GIT1: variants seen among roughly 807,000 people sequenced by gnomAD.
The protein encoded by GIT1 is GIT ArfGAP 1, also known as ARF GTPase-activating protein GIT1.
In GIT1, 14 loss-of-function variants were observed where a neutral mutation model predicts 91.7. The observed-to-expected ratio is 0.15, with a 90% CI of 0.10 to 0.24. The LOEUF is 0.24. GIT1 is among the 10% of genes least tolerant of loss of function. The pLI is 1.00. For synonymous variants in GIT1, 414 were observed against 418.2 expected, an observed-to-expected ratio of 0.99 and a Z score of 0.12; for missense variants, 717 against 1,024.9, an observed-to-expected ratio of 0.70 and a Z score of 4.10.
chr17:29,584,940 G>T (rs2033538941), intron 1 of GIT1, among the ~76,000 whole-genome samples: 1 of 150,156 alleles, frequency 6.7e-6, no homozygotes, highest in African/African-American at 2.4e-5. Context: ...AAGGAGAGAG[G>T]CCTGTCTTTG....
intron 7 of GIT1, among the ~76,000 whole-genome samples, chr17:29,580,520 G>GGTGA (rs1468564326): frequency 6.6e-6 from 1 of 152,198 alleles, no homozygotes; most frequent in Non-Finnish European, 1.5e-5. Flanking sequence ...TTATGTGCTG[G>GGTGA]GTGAGTGGCA....
Position 29,580,558 on chromosome 17 carries a change from G to C in GIT1, c.761+780C>G, listed in dbSNP as rs372568341. Among the ~76,000 whole-genome samples, 77 of 152,290 alleles carry C rather than the reference G, an allele frequency of 5.1e-4. 1 individual carries two copies. In the East Asian group the frequency reaches 0.012, roughly 24 times the overall value. On this transcript the variant is annotated intron_variant, in intron 7 of 19. Transcript: ENST00000225394. ...GGGTGTCCCACACTGCCTCTCAGAC[G>C]GAAGCAGAAACACCTCATTCAACCA...
chr17:29,575,036 C>G lies in GIT1; in HGVS notation c.2073+43G>C, dbSNP rs775569709. The G allele has an allele frequency of 1.3e-6, 2 of 1,518,700 alleles. No individual in the cohort carries two copies. The highest frequency in any genetic ancestry group is 4.6e-5 in the East Asian group (2 of 43,954). The allele number at this position is 1,518,700 out of a possible 1,614,324, so 94.1% of individuals were successfully genotyped here. ...ATGGGATTCTCCACGCCTGCCCCAGCTCGAGGCCCTCCCACTCCTGGTCCT... is the reference window on the plus strand; with the variant it reads ...ATGGGATTCTCCACGCCTGCCCCAGGTCGAGGCCCTCCCACTCCTGGTCCT... On this transcript the variant is annotated intron_variant, in intron 19 of 19. Coordinates refer to ENST00000225394, the MANE Select transcript of GIT1 (RefSeq NM_014030.4). The surrounding 1 kb of genome is among the most constrained non-coding windows in gnomAD (Gnocchi z 5.5).
rs199698909 is a variant in GIT1, at chr17:29,576,648, G to A, written c.1254C>T (p.Asp418=). ...GGTACTCCTGCAGCGTCACAGCCCC[G>A]TCAGACAAGTCCGAGGAGTCCATGC... is the stretch of plus-strand genomic sequence containing the variant. The part of the protein sequence containing the change: ...ARSMDSSDLS[D]GAVTLQEYLE... Residue 418 remains aspartate (D), a synonymous_variant, in exon 13 of 20, where the codon GAC becomes GAT. Coordinates refer to ENST00000225394, the MANE Select transcript of GIT1 (RefSeq NM_014030.4). The A allele has an allele frequency of 3.5e-4, 560 of 1,613,866 alleles. No homozygotes were observed. Among genetic ancestry groups the A allele is most frequent in the Non-Finnish European group, 4.2e-4 (493 of 1,179,994 alleles).
intron 4 of GIT1, 34 bp from the exon 5 acceptor site, chr17:29,582,178 G>A (rs763971538): frequency 1.4e-6 from 2 of 1,464,912 alleles, no homozygotes; most frequent in Admixed American, 2.0e-5. Flanking sequence ...GAATACGCAT[G>A]TGCGTGAGGC....
In GIT1 at chr17:29,575,837, C is replaced by G; in HGVS notation, c.1727G>C (p.Cys576Ser). 6.2e-7 allele frequency: 1 copy of G among 1,612,662 alleles called. No homozygotes were observed. The highest frequency in any genetic ancestry group is 8.5e-7 in the Non-Finnish European group (1 of 1,179,394). The change falls in exon 16 of 20, where the codon TGC becomes TCC. Residue 576 changes from cysteine to serine, a missense_variant. By Grantham distance (112) the Cys-to-Ser change is moderately radical. Around this residue, in one of 3 missense-constraint regions of GIT1, gnomAD observed 312 missense variants for 349.5 expected, o/e 0.89. Transcript: ENST00000225394. This position sits in a 1 kb window ranked among gnomAD's most constrained non-coding sequence, Gnocchi z 5.5. ...CGTGTGGCGGCTTCCCTCCTGGGAG[C>G]AGGACAGCAGCGGGGAGGAGGGAGT... ...PFTPSSPLLS[C>S]SQEGSRHTSK...
Position 29,581,499 on chromosome 17 carries a change from G to T in GIT1, c.719-119C>A. ...CAGAAGTGTCAGGGGAAAGTGGGGAGGGCAGGCCACCCCCAAGAATGCTGG... is the reference window on the plus strand; with the variant it reads ...CAGAAGTGTCAGGGGAAAGTGGGGATGGCAGGCCACCCCCAAGAATGCTGG... On this transcript the variant is annotated intron_variant, in intron 6 of 19. Coordinates refer to ENST00000225394, the MANE Select transcript of GIT1 (RefSeq NM_014030.4). The surrounding 1 kb of genome is among the most constrained non-coding windows in gnomAD (Gnocchi z 4.8). 1.2e-6 allele frequency: 1 copy of T among 849,108 alleles called. No homozygotes were observed. The highest frequency in any genetic ancestry group is 2.0e-6 in the Non-Finnish European group (1 of 503,222). 52.6% of individuals were successfully genotyped at this position (849,108 alleles called of 1,614,324 possible).
Position 29,589,562 on chromosome 17 carries a change from T to G in GIT1, c.-184A>C, listed in dbSNP as rs2033736511. ...GAACCCGCCGTGCCCGCCTGCCCGC[T>G]CGCCCTCGGGCGCCCTCCGCCCCGC... On this transcript the variant is annotated 5_prime_UTR_variant, in exon 1 of 20. Transcript: ENST00000225394. The surrounding 1 kb of genome is among the most constrained non-coding windows in gnomAD (Gnocchi z 5.2). The G allele has an allele frequency of 6.8e-6, 1 of 147,042 alleles. No individual in the cohort carries two copies. The highest frequency in any genetic ancestry group is 2.5e-5 in the African/African-American group (1 of 39,538). The allele number at this position is 147,042 out of a possible 1,614,324, so 9.1% of individuals were successfully genotyped here. A position where few individuals can be genotyped will look rare whatever the true frequency, so the allele number is the denominator to read the frequency against.
chr17:29,575,550 G>A lies in GIT1; in HGVS notation c.1826+80C>T. 6.4e-7 allele frequency: 1 copy of A among 1,561,724 alleles called. No individual in the cohort carries two copies. Among genetic ancestry groups the A allele is most frequent in the Non-Finnish European group, 8.8e-7 (1 of 1,141,986 alleles). On this transcript the variant is annotated intron_variant, in intron 17 of 19. Transcript: ENST00000225394. This position sits in a 1 kb window ranked among gnomAD's most constrained non-coding sequence, Gnocchi z 5.5. ...TCCAGCCTCGGAGCCGCCCGCCTTG[G>A]TCCTCACACACTGGGGGCCCTCTCA...
chr17:29,575,596 G>T lies in GIT1; in HGVS notation c.1826+34C>A. ...TCTCAACCTCCCCGCCTCGGCATGT[G>T]AGCAGGCTGGACTGGAGACCCAGGG... On this transcript the variant is annotated intron_variant, in intron 17 of 19. Transcript: ENST00000225394. The surrounding 1 kb of genome is among the most constrained non-coding windows in gnomAD (Gnocchi z 5.5). 6.2e-7 allele frequency: 1 copy of T among 1,601,946 alleles called. No individual in the cohort carries two copies. The highest frequency in any genetic ancestry group is 1.1e-5 in the South Asian group (1 of 90,768).
Position 29,574,649 on chromosome 17 carries a change from G to T in GIT1, c.*53C>A. The T allele has an allele frequency of 7.2e-7, 1 of 1,388,854 alleles. No individual in the cohort carries two copies. The highest frequency in any genetic ancestry group is 1.0e-6 in the Non-Finnish European group (1 of 978,676). 86.0% of individuals were successfully genotyped at this position (1,388,854 alleles called of 1,614,324 possible). A position where few individuals can be genotyped will look rare whatever the true frequency, so the allele number is the denominator to read the frequency against. ...GGGGATTAATGTCTGGAGTGGCCCA[G>T]CTCCTATGGCCAGTGAGGTCCTAGG... On this transcript the variant is annotated 3_prime_UTR_variant, in exon 20 of 20. Transcript: ENST00000225394.
chr17:29,587,960 T>A (rs964650719), intron 1 of GIT1, among the ~76,000 whole-genome samples: 1 of 152,178 alleles, frequency 6.6e-6, no homozygotes, highest in Non-Finnish European at 1.5e-5. Context: ...TCACAGTTTC[T>A]TAGGGGTATG....
Position 29,576,934 on chromosome 17 carries a change from C to A in GIT1, c.1156G>T (p.Val386Leu). 1 of 1,591,966 alleles carries A rather than the reference C, an allele frequency of 6.3e-7. No individual in the cohort carries two copies. The highest frequency in any genetic ancestry group is 8.5e-7 in the Non-Finnish European group (1 of 1,172,694). Residue 386 changes from valine to leucine, a missense_variant, in exon 12 of 20, where the codon GTG becomes TTG. By Grantham distance (32) the Val-to-Leu change is conservative. Coordinates refer to ENST00000225394, the MANE Select transcript of GIT1 (RefSeq NM_014030.4). ...TGGTCTGTGTCCTCGTCAGAGGCCA[C>A]GCTGTCGTAGTCGTGTTGGTCGTCG... ...DLDDQHDYDS[V>L]ASDEDTDQEP...
chr17:29,584,916 G>C (rs1380190069), intron 1 of GIT1, among the ~76,000 whole-genome samples: 1 of 148,176 alleles, frequency 6.7e-6, no homozygotes, highest in East Asian at 2.0e-4. Flanking sequence ...ACTGAGGCAT[G>C]AAAACAGGAA....
chr17:29,576,406 T>C lies in GIT1; in HGVS notation c.1425A>G (p.Pro475=), dbSNP rs781451355. ...GGAGTGGAGGTGTGGGCACCGGCCC[T>C]GGAGGCTGCCGGAGCTGCAGGTTCT... ...QAENLQLRQP[P]GPVPTPPLPS... is the part of the protein sequence containing the mutation. The change falls in exon 14 of 20, where the codon CCA becomes CCG. Residue 475 remains proline, a synonymous_variant. Transcript: ENST00000225394. 1.7e-5 allele frequency: 28 copies of C among 1,613,130 alleles called. No individual in the cohort carries two copies. Among genetic ancestry groups the C allele is most frequent in the Non-Finnish European group, 2.3e-5 (27 of 1,179,850 alleles).
rs1202030459 is a variant in GIT1, at chr17:29,581,849, G to A, written c.624-13C>T. 3 of 1,611,686 alleles carry A rather than the reference G, an allele frequency of 1.9e-6. No individual in the cohort carries two copies. The highest frequency in any genetic ancestry group is 1.3e-5 in the African/African-American group (1 of 74,872). ...GTGCCCCGCCTGCCTGTGAGGAGGG[G>A]GTATGGCTCAGACCTGCAGCAGCAG... is the stretch of plus-strand genomic sequence containing the variant. On this transcript the variant is annotated splice_polypyrimidine_tract_variant and intron_variant, in intron 5 of 19. Coordinates refer to ENST00000225394, the MANE Select transcript of GIT1 (RefSeq NM_014030.4). The surrounding 1 kb of genome is among the most constrained non-coding windows in gnomAD (Gnocchi z 4.8).
In GIT1 at chr17:29,576,405, C is replaced by T; in HGVS notation, c.1426G>A (p.Gly476Arg). 3 of 1,613,294 alleles carry T rather than the reference C, an allele frequency of 1.9e-6. No homozygotes were observed. Among genetic ancestry groups the T allele is most frequent in the Non-Finnish European group, 2.5e-6 (3 of 1,179,882 alleles). The change falls in exon 14 of 20, where the codon GGG (glycine) becomes AGG (arginine). Residue 476 changes from glycine to arginine, a missense_variant. This residue lies in a region of GIT1 where 312 missense variants were observed against 349.5 expected (regional missense o/e 0.89). Transcript: ENST00000225394. Reference protein sequence around the residue: ...AENLQLRQPPGPVPTPPLPSE... With the variant: ...AENLQLRQPPRPVPTPPLPSE... ...GGGAGTGGAGGTGTGGGCACCGGCC[C>T]TGGAGGCTGCCGGAGCTGCAGGTTC...
Position 29,575,216 on chromosome 17 carries a change from C to T in GIT1, c.2009+72G>A. ...CCCAGGGACAGCAGAACCCAGGGCC[C>T]CTCATGCTCTCTGCAACACCCTAGA... On this transcript the variant is annotated intron_variant, in intron 18 of 19. Coordinates refer to ENST00000225394, the MANE Select transcript of GIT1 (RefSeq NM_014030.4). The surrounding 1 kb of genome is among the most constrained non-coding windows in gnomAD (Gnocchi z 5.5). The T allele has an allele frequency of 1.3e-6, 2 of 1,552,458 alleles. No homozygotes were observed. The highest frequency in any genetic ancestry group is 1.2e-5 in the South Asian group (1 of 84,912).
At chr17:29,582,557 T>G (rs1190489769) in intron 4 of GIT1, 141 bp downstream of exon 4, 11 of 638,080 alleles carry the variant, frequency 1.7e-5, no homozygotes, top group Admixed American at 5.1e-5. Context: ...AACAATCTGC[T>G]CTCTCCACCC....
Sources: allele counts gnomAD v4.1 joint callset (sites outside exome capture counted in the v4.1 genomes callset), GRCh38; gene constraint gnomAD v4.1.1; regional missense constraint gnomAD v4.1.1; non-coding constraint Gnocchi (gnomAD v3.1); transcripts MANE v1.5; gene names NCBI Gene and HGNC (gene_info 2026-07-23, HGNC 2026-07-21).